HMGCLL1: variants seen among roughly 807,000 people sequenced by gnomAD.
The protein encoded by HMGCLL1 is 3-hydroxy-3-methylglutaryl-CoA lyase like 1.
A neutral mutation model predicts 39.1 loss-of-function variants in HMGCLL1; 36 were observed. The ratio of observed to expected loss-of-function variants is 0.92; its 90% CI spans 0.71 to 1.22. HMGCLL1 has a LOEUF of 1.22. Ranked by LOEUF, HMGCLL1 falls within the 50% of genes most tolerant of loss-of-function variation. The pLI, the probability that HMGCLL1 is intolerant of heterozygous loss-of-function variation, is 0.00. For synonymous variants in HMGCLL1, 149 were observed against 144.0 expected (o/e 1.03, Z -0.25); for missense variants, 451 against 416.5 (o/e 1.08, Z -0.72).
At chr6:55,536,781 C>A (rs77240704) in intron 3 of HMGCLL1, among the ~76,000 whole-genome samples, 1,839 of 152,232 alleles carry the variant, frequency 0.012, 23 homozygotes, top group South Asian at 0.047. Context: ...TACTGTGGAA[C>A]TTTTCTTTTA....
At chr6:55,601,660 T>G in the HMGCLL1 span, among the ~76,000 whole-genome samples, 1 of 149,610 alleles carries the variant, frequency 6.7e-6, no homozygotes, top group South Asian at 2.1e-4. Context: ...CCCTAAAAAC[T>G]TTTTTTTCCT....
At chr6:55,564,055 T>G in intron 1 of HMGCLL1, 1 of 417,332 alleles carries the variant, frequency 2.4e-6, no homozygotes, top group Non-Finnish European at 4.8e-6. Context: ...CATTCAGTGA[T>G]AGCATAAATT....
the HMGCLL1 span, among the ~76,000 whole-genome samples, chr6:55,589,802 A>G: frequency 1.3e-5 from 2 of 152,204 alleles, no homozygotes; most frequent in Admixed American, 1.3e-4. Flanking sequence ...CCCATTCACA[A>G]TTGCTTCAAA....
chr6:55,654,064 G>A, the HMGCLL1 span, among the ~76,000 whole-genome samples: 1 of 151,798 alleles, frequency 6.6e-6, no homozygotes, highest in African/African-American at 2.4e-5. Context: ...TATCAGCTTG[G>A]GATCATCATT....
intron 6 of HMGCLL1, 58 bp downstream of exon 6, chr6:55,499,178 T>G: frequency 1.1e-5 from 15 of 1,365,184 alleles, no homozygotes; most frequent in Non-Finnish European, 1.5e-5. Context: ...AAAGCCCCCT[T>G]TTAAAAATAA....
upstream of HMGCLL1, among the ~76,000 whole-genome samples, chr6:55,582,390 G>A (rs978988939): frequency 3.3e-5 from 5 of 152,082 alleles, no homozygotes; most frequent in African/African-American, 9.7e-5. Flanking sequence ...AATTCATACT[G>A]TATAGTCTGA....
intron 6 of HMGCLL1, among the ~76,000 whole-genome samples, chr6:55,496,732 A>G (rs751517489): frequency 1.3e-4 from 20 of 152,146 alleles, no homozygotes; most frequent in Non-Finnish European, 2.5e-4. Flanking sequence ...GAGAAAGCTG[A>G]ATTGCTCAAT....
At chr6:55,524,746 C>A (rs1003273940) in intron 3 of HMGCLL1, among the ~76,000 whole-genome samples, 2 of 151,822 alleles carry the variant, frequency 1.3e-5, no homozygotes, top group Non-Finnish European at 2.9e-5. Flanking sequence ...GACAAAAGAA[C>A]CTGAGGCATA....
At chr6:55,476,086 A>G (rs116537070) in intron 7 of HMGCLL1, among the ~76,000 whole-genome samples, 2,235 of 151,700 alleles carry the variant, frequency 0.015, 31 homozygotes, top group Non-Finnish European at 0.025. Flanking sequence ...TCTCACATCA[A>G]TTTTAGAATC....
the HMGCLL1 span, among the ~76,000 whole-genome samples, chr6:55,649,090 T>C: frequency 6.6e-6 from 1 of 152,122 alleles, no homozygotes; most frequent in East Asian, 1.9e-4. Flanking sequence ...CATTTAGTCC[T>C]TCTACTTAAG....
At chr6:55,678,341 T>C in the HMGCLL1 span, among the ~76,000 whole-genome samples, 1 of 152,208 alleles carries the variant, frequency 6.6e-6, no homozygotes, top group Non-Finnish European at 1.5e-5. Context: ...GCACAAACTT[T>C]AGTTTCCATG....
At chr6:55,650,119 A>T in the HMGCLL1 span, among the ~76,000 whole-genome samples, 2 of 80,570 alleles carry the variant, frequency 2.5e-5, no homozygotes, top group African/African-American at 1.1e-4. Flanking sequence ...ATATATATAT[A>T]TATATATATA....
chr6:55,602,374 A>G, the HMGCLL1 span, among the ~76,000 whole-genome samples: 9 of 151,986 alleles, frequency 5.9e-5, no homozygotes, highest in Non-Finnish European at 1.2e-4. Flanking sequence ...CTAAAATTAC[A>G]TTTTCCTTTA....
intron 1 of HMGCLL1, among the ~76,000 whole-genome samples, chr6:55,562,729 C>T (rs77886225): frequency 9.1e-4 from 138 of 152,166 alleles, no homozygotes; most frequent in African/African-American, 2.9e-3. Context: ...ACAGGCTAAG[C>T]GATCAACTAC....
chr6:55,499,911 T>G (rs1383561989), intron 5 of HMGCLL1, among the ~76,000 whole-genome samples: 1 of 152,010 alleles, frequency 6.6e-6, no homozygotes, highest in Non-Finnish European at 1.5e-5. Flanking sequence ...CTTTTGTAAC[T>G]CATTCTAACA....
the HMGCLL1 span, among the ~76,000 whole-genome samples, chr6:55,590,491 G>T: frequency 6.6e-6 from 1 of 152,058 alleles, no homozygotes; most frequent in African/African-American, 2.4e-5. Flanking sequence ...ATAGGCATGG[G>T]CAAGGTCTTC....
the HMGCLL1 span, among the ~76,000 whole-genome samples, chr6:55,678,664 C>T: frequency 6.6e-6 from 1 of 152,222 alleles, no homozygotes; most frequent in East Asian, 1.9e-4. Context: ...ACTAGTTTTA[C>T]ATTATTCAGA....
chr6:55,481,879 A>G (rs1765768484), intron 7 of HMGCLL1, among the ~76,000 whole-genome samples: 1 of 152,060 alleles, frequency 6.6e-6, no homozygotes, highest in Admixed American at 6.6e-5. Context: ...AATATTTGCC[A>G]TAAGATATTT....
At position 55,537,667 on chromosome 6, in the gene HMGCLL1, A is replaced by G. The variant is rs563024326; in HGVS notation, c.297+4062T>C. Among the ~76,000 whole-genome samples, 9 of 152,092 alleles carry G rather than the reference A, an allele frequency of 5.9e-5. No homozygotes were observed. The South Asian group carries it at 1.9e-3, about 32-fold the overall frequency. The stretch of plus-strand genomic sequence containing the variant: ...ATTCACGTGCCTTATAATCTCCAAC[A>G]CTCTGATACTGCAGGCATCACTGCT... On this transcript the variant is annotated intron_variant, in intron 3 of 8. Coordinates refer to ENST00000274901, the MANE Select transcript of HMGCLL1 (RefSeq NM_001042406.2).
Sources: gnomAD v4.1 joint callset for allele counts (sites outside exome capture counted in the v4.1 genomes callset) on GRCh38, gnomAD v4.1.1 for gene constraint, MANE v1.5 for transcripts, NCBI Gene and HGNC (gene_info 2026-07-23, HGNC 2026-07-21) for gene names.